The following COL24A1 variants were observed in gnomAD, a reference collection of about 807,000 sequenced individuals.
COL24A1 encodes collagen type XXIV alpha 1 chain.
COL24A1 carries 224 observed loss-of-function variants against 253.9 expected under a neutral mutation model. That is an observed-to-expected ratio of 0.88 (90% CI 0.79 to 0.99). The LOEUF is 0.99. Among genes scored for constraint, COL24A1 ranks in the 50% least tolerant of loss-of-function variants. The pLI is 0.00. For missense variants in COL24A1, 2,131 were observed against 2,068.5 expected (o/e 1.03, Z -0.59); for synonymous variants, 685 against 673.7 (o/e 1.02, Z -0.26).
At chr1:85,890,649 C>T (rs183436112) in intron 31 of COL24A1, among the ~76,000 whole-genome samples, 16 of 151,908 alleles carry the variant, frequency 1.1e-4, no homozygotes, top group Middle Eastern at 3.4e-3. Context: ...TTATTTAATC[C>T]TCACTCCTAT....
intron 47 of COL24A1, among the ~76,000 whole-genome samples, chr1:85,808,794 C>T (rs1192089292): frequency 6.6e-6 from 1 of 152,184 alleles, no homozygotes; most frequent in African/African-American, 2.4e-5. Flanking sequence ...TGCAGCATTG[C>T]AGTAGAGTTT....
At chr1:86,018,472 C>T (rs910808527) in intron 18 of COL24A1, among the ~76,000 whole-genome samples, 2 of 152,234 alleles carry the variant, frequency 1.3e-5, no homozygotes, top group East Asian at 3.9e-4. Flanking sequence ...GAGAAAGGGG[C>T]GAGGGGCTCT....
chr1:85,984,944 C>A (rs546984101), intron 20 of COL24A1, among the ~76,000 whole-genome samples: 2 of 151,784 alleles, frequency 1.3e-5, no homozygotes, highest in Non-Finnish European at 3.0e-5. Context: ...GTTTTTATTT[C>A]CAAAACACTT....
chr1:85,982,866 G>A (rs918148851), intron 20 of COL24A1, among the ~76,000 whole-genome samples: 1 of 151,926 alleles, frequency 6.6e-6, no homozygotes, highest in African/African-American at 2.4e-5. Context: ...ATGTTACCTG[G>A]AGAATAAATG....
At chr1:86,049,024 AACC>A (rs1425266378) in intron 11 of COL24A1, among the ~76,000 whole-genome samples, 1 of 152,210 alleles carries the variant, frequency 6.6e-6, no homozygotes, top group African/African-American at 2.4e-5. Flanking sequence ...CGTAAACTGG[AACC>A]ATTGGGTCAA....
intron 14 of COL24A1, among the ~76,000 whole-genome samples, chr1:86,029,028 A>G (rs1007502429): frequency 1.3e-5 from 2 of 152,162 alleles, no homozygotes; most frequent in African/African-American, 4.8e-5. Context: ...AATCAACTCC[A>G]TGCTAATAGA....
Position 86,124,835 on chromosome 1 carries a change from A to G in COL24A1, c.1491+10T>C, listed in dbSNP as rs769735093. The G allele has an allele frequency of 3.4e-5, 52 of 1,521,390 alleles. No individual in the cohort carries two copies. The East Asian group carries it at 1.2e-3, about 34-fold the overall frequency. 94.2% of individuals were successfully genotyped at this position (1,521,390 alleles called of 1,614,324 possible). On this transcript the variant is annotated intron_variant, in intron 3 of 59. Coordinates refer to ENST00000370571, the MANE Select transcript of COL24A1 (RefSeq NM_152890.7). ...GCATATTAGGAGATATTAAAAAAAA[A>G]AAAACTTACGGGAGGTCCAGTGTCT...
At chr1:86,027,046 C>T (rs113386773) in intron 14 of COL24A1, among the ~76,000 whole-genome samples, 13,217 of 151,982 alleles carry the variant, frequency 0.087, 706 homozygotes, top group Middle Eastern at 0.19. Flanking sequence ...GGATATCTGG[C>T]GGAAGAAATT....
Position 85,999,114 on chromosome 1 carries a change from C to G in COL24A1, c.2311-11460G>C, listed in dbSNP as rs564126811. Among the ~76,000 whole-genome samples the G allele has an allele frequency of 2.6e-5, 4 of 152,244 alleles. No individual in the cohort carries two copies. In the South Asian group the frequency reaches 8.3e-4, roughly 32 times the overall value. On this transcript the variant is annotated intron_variant, in intron 19 of 59. Coordinates refer to ENST00000370571, the MANE Select transcript of COL24A1 (RefSeq NM_152890.7). Reference sequence around the variant, plus strand: ...GTATTAGGGCCTCACAGATGATTAACAGGATTTGAGAGAAGCCCATGGGAA... The same window carrying G: ...GTATTAGGGCCTCACAGATGATTAAGAGGATTTGAGAGAAGCCCATGGGAA...
intron 19 of COL24A1, among the ~76,000 whole-genome samples, chr1:86,016,457 C>T (rs633604): frequency 0.31 from 47,136 of 151,916 alleles, 7,782 homozygotes; most frequent in Middle Eastern, 0.51. Flanking sequence ...TGTATGTACA[C>T]TGATATGTGT....
intron 1 of COL24A1, among the ~76,000 whole-genome samples, chr1:86,148,495 C>T (rs1162702160): frequency 6.6e-6 from 1 of 151,960 alleles, no homozygotes; most frequent in Admixed American, 6.6e-5. Flanking sequence ...GCTATCCCTC[C>T]CCCTTCCCCC....
At chr1:86,003,969 G>C (rs1695688546) in intron 19 of COL24A1, among the ~76,000 whole-genome samples, 1 of 152,128 alleles carries the variant, frequency 6.6e-6, no homozygotes, top group Non-Finnish European at 1.5e-5. Flanking sequence ...CTTCATCTTT[G>C]GTCACTCCCA....
intron 23 of COL24A1, among the ~76,000 whole-genome samples, chr1:85,962,257 T>C (rs1691156970): frequency 6.6e-6 from 1 of 152,196 alleles, no homozygotes; most frequent in Non-Finnish European, 1.5e-5. Flanking sequence ...AAGTAATGCA[T>C]GTTCATAACC....
chr1:85,737,248 A>G, intron 58 of COL24A1, 148 bp downstream of exon 58: 1 of 501,840 alleles, frequency 2.0e-6, no homozygotes, highest in East Asian at 3.4e-5. Context: ...TTTAAAAAAT[A>G]ACATATTTAT....
intron 52 of COL24A1, 25 bp from the exon 53 acceptor site, chr1:85,775,734 G>T: frequency 2.5e-6 from 4 of 1,583,700 alleles, no homozygotes; most frequent in Non-Finnish European, 3.4e-6. Context: ...AAAGATGTTA[G>T]TTCATTGTTA....
rs568085561 is a variant in COL24A1, at chr1:86,022,833, C to T, written c.2148G>A (p.Lys716=). ...NKGLPGIKGD[K]GEQGTAGELG... is the part of the protein sequence containing the mutation. ...TTTATAATATTAATATTTAAATCAC[C>T]TTATCACCTTTGATTCCAGGTAGTC... Residue 716 remains lysine, a splice_region_variant and synonymous_variant, in exon 16 of 60, where the codon AAG becomes AAA. Coordinates refer to ENST00000370571, the MANE Select transcript of COL24A1 (RefSeq NM_152890.7). The T allele has an allele frequency of 2.6e-6, 4 of 1,546,248 alleles. No homozygotes were observed. The highest frequency in any genetic ancestry group is 1.8e-6 in the Non-Finnish European group (2 of 1,142,494).
chr1:86,010,952 C>T (rs1338010970), intron 19 of COL24A1, among the ~76,000 whole-genome samples: 3 of 152,020 alleles, frequency 2.0e-5, no homozygotes, highest in Non-Finnish European at 4.4e-5. Flanking sequence ...AAGAAAGATA[C>T]ACCAGAAACT....
intron 38 of COL24A1, among the ~76,000 whole-genome samples, chr1:85,848,467 G>A (rs1170148204): frequency 1.3e-5 from 2 of 152,114 alleles, no homozygotes; most frequent in South Asian, 2.1e-4. Flanking sequence ...CCATCAACAC[G>A]TCCAGTTAAT....
In COL24A1 at chr1:85,874,656, C is replaced by A. The variant is rs762869363; in HGVS notation, c.3131G>T (p.Gly1044Val). 6.2e-7 allele frequency: 1 copy of A among 1,612,536 alleles called. No homozygotes were observed. Among genetic ancestry groups the A allele is most frequent in the East Asian group, 2.2e-5 (1 of 44,882 alleles). ...AGSVGGTGEP[G>V]LRGEPGAPGE... Reference sequence around the variant, plus strand: ...TTTCAAGGGGGCACTCACCCGTAAACCTGGTTCCCCAGTTCCTCCAACACT... The same window carrying A: ...TTTCAAGGGGGCACTCACCCGTAAAACTGGTTCCCCAGTTCCTCCAACACT... The change falls in exon 35 of 60, where the codon GGT becomes GTT. Residue 1044 changes from glycine to valine, a missense_variant. Transcript: ENST00000370571.
Sources: allele counts gnomAD v4.1 joint callset (sites outside exome capture counted in the v4.1 genomes callset), GRCh38; gene constraint gnomAD v4.1.1; transcripts MANE v1.5; gene names NCBI Gene and HGNC (gene_info 2026-07-23, HGNC 2026-07-21).